Variants in NARS1 observed in about 807,000 individuals in gnomAD.
NARS1 encodes the protein asparagine--tRNA ligase, cytoplasmic.
Under a neutral mutation model 79.2 loss-of-function variants are expected in NARS1, and 65 were observed. The observed-to-expected ratio is 0.82, with a 90% CI of 0.67 to 1.01. NARS1 has a LOEUF of 1.01. Among genes scored for constraint, NARS1 ranks in the 50% least tolerant of loss-of-function variants. The pLI, the probability that NARS1 is intolerant of heterozygous loss-of-function variation, is 0.00. For synonymous variants in NARS1, 229 were observed against 238.8 expected, an observed-to-expected ratio of 0.96 and a Z score of 0.38; for missense variants, 649 against 673.8, an observed-to-expected ratio of 0.96 and a Z score of 0.41.
Position 57,621,833 on chromosome 18 carries a change from A to T in NARS1, c.-116T>A, listed in dbSNP as rs1908320035. 6.4e-7 allele frequency: 1 copy of T among 1,571,556 alleles called. No individual in the cohort carries two copies. Among genetic ancestry groups the T allele is most frequent in the Non-Finnish European group, 8.6e-7 (1 of 1,162,574 alleles). The stretch of plus-strand genomic sequence containing the variant: ...TCCGGCGTTGCATCAGAGAGCGTAG[A>T]TCTGAGGGCGCCTGCGAGAATCGGC... On this transcript the variant is annotated 5_prime_UTR_variant, in exon 1 of 14. Coordinates refer to ENST00000256854, the MANE Select transcript of NARS1 (RefSeq NM_004539.4).
At chr18:57,613,197 C>CAA (rs970025195) in intron 5 of NARS1, among the ~76,000 whole-genome samples, 1 of 137,036 alleles carries the variant, frequency 7.3e-6, no homozygotes, top group Non-Finnish European at 1.6e-5. Context: ...GCCAGCATAC[C>CAA]AAAAAAAAAA....
Position 57,615,822 on chromosome 18 carries a change from T to C in NARS1, c.247A>G (p.Lys83Glu). Reference protein sequence around the residue: ...EQMKSESREKKEAEDSLRREK... With the variant: ...EQMKSESREKEEAEDSLRREK... ...ATGGCAAGGTCAGGACTCACCTCTT[T>C]CTTTTCCCGGGATTCACTCTTCATT... The change falls in exon 3 of 14, where the codon AAA (lysine) becomes GAA (glutamate). Residue 83 changes from lysine (K) to glutamate (E), a missense_variant. Transcript: ENST00000256854. 2.5e-6 allele frequency: 4 copies of C among 1,611,980 alleles called. No individual in the cohort carries two copies. Among genetic ancestry groups the C allele is most frequent in the Non-Finnish European group, 3.4e-6 (4 of 1,179,402 alleles).
At chr18:57,604,163 T>G (rs1261933141) in intron 11 of NARS1, among the ~76,000 whole-genome samples, 6 of 152,242 alleles carry the variant, frequency 3.9e-5, no homozygotes, top group African/African-American at 1.2e-4. Context: ...CCACAGCTTG[T>G]GTTCTTTCCA....
At chr18:57,620,400 C>A (rs1442151679) in intron 2 of NARS1, among the ~76,000 whole-genome samples, 169 bp downstream of exon 2, 1 of 152,206 alleles carries the variant, frequency 6.6e-6, no homozygotes, top group African/African-American at 2.4e-5. Context: ...AGACTTTGAT[C>A]ATCTAACAAT....
At chr18:57,619,266 A>ATTT (rs57667136) in intron 2 of NARS1, among the ~76,000 whole-genome samples, 2,962 of 123,638 alleles carry the variant, frequency 0.024, 68 homozygotes, top group Non-Finnish European at 0.033. Flanking sequence ...TGCCTGGCTA[A>ATTT]TTTTTTTTTT....
At chr18:57,619,968 G>A (rs1007154237) in intron 2 of NARS1, among the ~76,000 whole-genome samples, 15 of 152,138 alleles carry the variant, frequency 9.9e-5, no homozygotes, top group African/African-American at 3.4e-4. Flanking sequence ...GATTATAGGC[G>A]TGAGCCACCA....
Position 57,601,508 on chromosome 18 carries a change from T to G in NARS1, c.*144A>C. On this transcript the variant is annotated 3_prime_UTR_variant, in exon 14 of 14. Coordinates refer to ENST00000256854, the MANE Select transcript of NARS1 (RefSeq NM_004539.4). ...AATATCACTTGATGTTCAGGTGATT[T>G]GAGATAGTTTTTATGGTAGTAGAAA... 8.4e-5 allele frequency: 63 copies of G among 753,310 alleles called. No individual in the cohort carries two copies. The highest frequency in any genetic ancestry group is 1.1e-4 in the East Asian group (4 of 35,592). 46.7% of individuals were successfully genotyped at this position (753,310 alleles called of 1,614,324 possible). A position where few individuals can be genotyped will look rare whatever the true frequency, so the allele number is the denominator to read the frequency against.
rs1444151324 is a variant in NARS1, at chr18:57,601,446, G to A, written c.*206C>T. On this transcript the variant is annotated 3_prime_UTR_variant, in exon 14 of 14. Transcript: ENST00000256854. ...CCCGAACTTTGTTTCCCGAACTTAA[G>A]AAAAAAATGGATATTTTTTCTTAAG... 4.5e-6 allele frequency: 2 copies of A among 449,322 alleles called. No homozygotes were observed. The highest frequency in any genetic ancestry group is 4.0e-5 in the African/African-American group (2 of 50,518). 27.8% of individuals were successfully genotyped at this position (449,322 alleles called of 1,614,324 possible).
chr18:57,603,309 A>C (rs1006531578), intron 11 of NARS1, among the ~76,000 whole-genome samples: 7 of 152,148 alleles, frequency 4.6e-5, no homozygotes, highest in African/African-American at 1.4e-4. Context: ...TCTGAAGCAA[A>C]TGAGGTCCAC....
rs201913524 is a variant in NARS1, at chr18:57,601,698, C to T, written c.1601G>A (p.Arg534Gln). ...AAATCGAGGGTATAAGCACACGTCT[C>T]GGATGTGATACCTATTCAGAATCCA... ...LTWILNRYHI[R>Q]DVCLYPRFVQ... The change falls in exon 14 of 14, where the codon CGA becomes CAA. Residue 534 changes from arginine to glutamine, a missense_variant. Transcript: ENST00000256854. 1.4e-5 allele frequency: 23 copies of T among 1,613,818 alleles called. No individual in the cohort carries two copies. The highest frequency in any genetic ancestry group is 2.2e-5 in the South Asian group (2 of 91,082).
intron 10 of NARS1, among the ~76,000 whole-genome samples, chr18:57,606,415 A>C (rs2051557740): frequency 6.6e-6 from 1 of 151,460 alleles, no homozygotes; most frequent in South Asian, 2.1e-4. Flanking sequence ...ACATTCCTAA[A>C]ATGGAAAACA....
At chr18:57,615,544 A>G in intron 4 of NARS1, 97 bp downstream of exon 4, 1 of 793,582 alleles carries the variant, frequency 1.3e-6, no homozygotes, top group Non-Finnish European at 2.0e-6. Context: ...TAAAAACAAA[A>G]TGTAAAGGAA....
chr18:57,605,899 A>G lies in NARS1; in HGVS notation c.1209T>C (p.His403=), dbSNP rs1343645700. ...YSDAIVWLKE[H]DVKKEDGTFY... Reference sequence around the variant, plus strand: ...AAGTTCCATCTTCTTTCTTTACATCATGTTCTTTTAGCCAAACGATAGCAT... The same window carrying G: ...AAGTTCCATCTTCTTTCTTTACATCGTGTTCTTTTAGCCAAACGATAGCAT... Residue 403 remains histidine (H), a synonymous_variant, in exon 11 of 14, where the codon CAT becomes CAC. Coordinates refer to ENST00000256854, the MANE Select transcript of NARS1 (RefSeq NM_004539.4). 9.3e-6 allele frequency: 15 copies of G among 1,612,954 alleles called. No homozygotes were observed. In the African/African-American group the frequency reaches 1.1e-4, roughly 11 times the overall value.
At chr18:57,613,918 C>T (rs564359716) in intron 4 of NARS1, among the ~76,000 whole-genome samples, 27 of 152,166 alleles carry the variant, frequency 1.8e-4, no homozygotes, top group African/African-American at 6.0e-4. Flanking sequence ...TGAGAAACAC[C>T]CAGAAGAATT....
Position 57,607,427 on chromosome 18 carries a change from G to A in NARS1, c.801+17C>T. 2 of 1,612,310 alleles carry A rather than the reference G, an allele frequency of 1.2e-6. No homozygotes were observed. The highest frequency in any genetic ancestry group is 1.7e-6 in the Non-Finnish European group (2 of 1,178,448). On this transcript the variant is annotated intron_variant, in intron 8 of 13. Coordinates refer to ENST00000256854, the MANE Select transcript of NARS1 (RefSeq NM_004539.4). ...AAAAAACATATTCTTTGCAAAAGCT[G>A]ACGAATGCATACTTACTTCATAGTA...
At chr18:57,607,097 A>C in intron 9 of NARS1, 37 bp downstream of exon 9, 1 of 1,546,764 alleles carries the variant, frequency 6.5e-7, no homozygotes, top group South Asian at 1.2e-5. Context: ...TAAAGATATT[A>C]CCTAGAAAGA....
chr18:57,604,343 A>G (rs2051536061), intron 11 of NARS1, among the ~76,000 whole-genome samples: 1 of 152,046 alleles, frequency 6.6e-6, no homozygotes, highest in Non-Finnish European at 1.5e-5. Flanking sequence ...GCTCGAGGCC[A>G]GGAGTTTGAG....
At chr18:57,606,539 C>A in intron 10 of NARS1, 77 bp downstream of exon 10, 1 of 1,448,710 alleles carries the variant, frequency 6.9e-7, no homozygotes, top group Admixed American at 2.0e-5. Flanking sequence ...ATCAAATCTA[C>A]AAAAACTGAG....
chr18:57,615,373 G>A (rs1382440829), intron 4 of NARS1, among the ~76,000 whole-genome samples: 2 of 151,884 alleles, frequency 1.3e-5, no homozygotes, highest in Admixed American at 1.3e-4. Flanking sequence ...GTGGTGGCGG[G>A]CGCCTGTAGT....
Sources: gnomAD v4.1 joint callset for allele counts (sites outside exome capture counted in the v4.1 genomes callset) on GRCh38, gnomAD v4.1.1 for gene constraint, MANE v1.5 for transcripts, NCBI Gene and HGNC (gene_info 2026-07-23, HGNC 2026-07-21) for gene names.